Variants in ENPP1 observed in about 807,000 individuals in gnomAD.
The protein encoded by ENPP1 is ectonucleotide pyrophosphatase/phosphodiesterase 1.
In ENPP1, 73 loss-of-function variants were observed where a neutral mutation model predicts 122.8. The ratio of observed to expected loss-of-function variants is 0.59; its 90% CI spans 0.49 to 0.72. The LOEUF (loss-of-function observed/expected upper bound fraction) is 0.72. ENPP1 is among the 30% of genes least tolerant of loss of function. The pLI, the probability that ENPP1 is intolerant of heterozygous loss-of-function variation, is 0.00. For missense variants in ENPP1, 978 were observed against 1,128.1 expected, an observed-to-expected ratio of 0.87 and a Z score of 1.91; for synonymous variants, 367 against 391.6, an observed-to-expected ratio of 0.94 and a Z score of 0.74.
At chr6:131,850,824 C>A (rs1427584727) in intron 3 of ENPP1, among the ~76,000 whole-genome samples, 1 of 152,206 alleles carries the variant, frequency 6.6e-6, no homozygotes, top group Non-Finnish European at 1.5e-5. Context: ...TCACCTTGAC[C>A]TGAGAGTCAG....
rs967317128 is a variant in ENPP1, at chr6:131,893,670, C to T, written c.*3159C>T. ...TATGCTGACTGTTAAGGAAAGAGCA[C>T]CCACATCTGCTCCTACTTAGCTTTT... On this transcript the variant is annotated 3_prime_UTR_variant, in exon 25 of 25. Transcript: ENST00000647893. 1 of 152,140 alleles carries T rather than the reference C, an allele frequency of 6.6e-6. No homozygotes were observed. Among genetic ancestry groups the T allele is most frequent in the Non-Finnish European group, 1.5e-5 (1 of 68,034 alleles). The allele number at this position is 152,140 out of a possible 1,614,324, so 9.4% of individuals were successfully genotyped here.
intron 1 of ENPP1, among the ~76,000 whole-genome samples, chr6:131,846,374 T>C (rs757581602): frequency 1.3e-5 from 2 of 152,334 alleles, no homozygotes; most frequent in African/African-American, 2.4e-5. Context: ...CCACCTTCCA[T>C]GTGCCTGCCT....
At chr6:131,839,020 T>C (rs907967733) in intron 1 of ENPP1, among the ~76,000 whole-genome samples, 1 of 152,150 alleles carries the variant, frequency 6.6e-6, no homozygotes, top group Non-Finnish European at 1.5e-5. Flanking sequence ...TGTTCTCCAC[T>C]GAGTTCTTCT....
intron 1 of ENPP1, among the ~76,000 whole-genome samples, chr6:131,842,520 T>C (rs958610771): frequency 4.6e-5 from 7 of 152,242 alleles, no homozygotes; most frequent in Non-Finnish European, 7.4e-5. Context: ...AGAATCTAAA[T>C]ACATTGCATC....
chr6:131,865,870 C>T (rs1486375501), intron 11 of ENPP1, among the ~76,000 whole-genome samples: 1 of 151,980 alleles, frequency 6.6e-6, no homozygotes, highest in African/African-American at 2.4e-5. Flanking sequence ...GTGGTGTGTG[C>T]CTATAATCCC....
chr6:131,877,097 C>G lies in ENPP1; in HGVS notation c.1829C>G (p.Pro610Arg). 6.2e-7 allele frequency: 1 copy of G among 1,614,040 alleles called. No individual in the cohort carries two copies. The change falls in exon 18 of 25, where the codon CCC (proline) becomes CGC (arginine). Residue 610 changes from proline to arginine, a missense_variant. Coordinates refer to ENST00000647893, the MANE Select transcript of ENPP1 (RefSeq NM_006208.3). ...CCAAAGCATCCCAAAGAAGTGCACC[C>G]CCTGGTACAGTGCCCCTTCACAAGA... ...YTPKHPKEVH[P>R]LVQCPFTRNP...
chr6:131,827,889 C>T, intron 1 of ENPP1: 2 of 1,404,882 alleles, frequency 1.4e-6, no homozygotes, highest in Non-Finnish European at 2.0e-6. Context: ...GCCTCACTGA[C>T]TGCTCGGCCA....
intron 24 of ENPP1, among the ~76,000 whole-genome samples, chr6:131,888,193 G>C (rs1435247565): frequency 1.3e-5 from 2 of 150,892 alleles, no homozygotes; most frequent in East Asian, 3.9e-4. Flanking sequence ...TTCTCTTATG[G>C]TGAGCCAAAA....
chr6:131,855,543 C>T (rs1287568786), intron 6 of ENPP1, among the ~76,000 whole-genome samples: 1 of 152,088 alleles, frequency 6.6e-6, no homozygotes, highest in Non-Finnish European at 1.5e-5. Flanking sequence ...TCAGGCTGGT[C>T]TCTAACTCCT....
chr6:131,865,404 A>G lies in ENPP1; in HGVS notation c.1164+466A>G, dbSNP rs987655943. On this transcript the variant is annotated intron_variant, in intron 11 of 24. Transcript: ENST00000647893. ...CCATAGAAGGATGGGAGATTTTATC[A>G]AAAGTGTAGCGATATTTGAATACGT... Among the ~76,000 whole-genome samples the G allele has an allele frequency of 2.6e-5, 4 of 152,190 alleles. No homozygotes were observed. The South Asian group carries it at 8.3e-4, about 32-fold the overall frequency.
chr6:131,827,916 G>A, intron 1 of ENPP1: 1 of 1,194,682 alleles, frequency 8.4e-7, no homozygotes, highest in Non-Finnish European at 1.2e-6. Context: ...CTGACAGGGT[G>A]CAGGTGGTCC....
Position 131,874,319 on chromosome 6 carries a change from T to C in ENPP1, c.1617T>C (p.Asn539=), listed in dbSNP as rs760545604. 8 of 1,592,782 alleles carry C rather than the reference T, an allele frequency of 5.0e-6. No individual in the cohort carries two copies. Among genetic ancestry groups the C allele is most frequent in the Non-Finnish European group, 6.9e-6 (8 of 1,161,654 alleles). Residue 539 remains asparagine, a synonymous_variant, in exon 16 of 25, where the codon AAT becomes AAC. Transcript: ENST00000647893. ...YCGSGFHGSD[N]VFSNMQALFV... Reference sequence around the variant, plus strand: ...GAAGTGGATTTCATGGCTCTGACAATGTATTTTCAAATATGCAAGTGAGTA... The same window carrying C: ...GAAGTGGATTTCATGGCTCTGACAACGTATTTTCAAATATGCAAGTGAGTA...
At chr6:131,825,305 T>C (rs1781533715) in intron 1 of ENPP1, among the ~76,000 whole-genome samples, 1 of 152,160 alleles carries the variant, frequency 6.6e-6, no homozygotes, top group Non-Finnish European at 1.5e-5. Flanking sequence ...TTTTTGTTGT[T>C]GTTGTTGTTA....
At chr6:131,872,155 ATT>A (rs1782170515) in intron 14 of ENPP1, 54 bp downstream of exon 14, 1 of 1,223,614 alleles carries the variant, frequency 8.2e-7, no homozygotes, top group Non-Finnish European at 1.2e-6. Flanking sequence ...TATAATATAT[ATT>A]GAGAGAAAAG....
At chr6:131,834,024 T>C (rs1375236902) in intron 1 of ENPP1, among the ~76,000 whole-genome samples, 2 of 152,180 alleles carry the variant, frequency 1.3e-5, no homozygotes, top group Non-Finnish European at 2.9e-5. Context: ...ATGAAATGCT[T>C]GTGTCTCAAG....
At chr6:131,844,052 T>G (rs1272029793) in intron 1 of ENPP1, among the ~76,000 whole-genome samples, 1 of 152,206 alleles carries the variant, frequency 6.6e-6, no homozygotes, top group Admixed American at 6.5e-5. Flanking sequence ...TCTGAGAGTA[T>G]TTTATTGTAT....
Position 131,890,751 on chromosome 6 carries a change from A to G in ENPP1, c.*240A>G, listed in dbSNP as rs1167369321. 13 of 525,222 alleles carry G rather than the reference A, an allele frequency of 2.5e-5. No homozygotes were observed. In the East Asian group the frequency reaches 4.0e-4, roughly 16 times the overall value. 32.5% of individuals were successfully genotyped at this position (525,222 alleles called of 1,614,324 possible). A position where few individuals can be genotyped will look rare whatever the true frequency, so the allele number is the denominator to read the frequency against. On this transcript the variant is annotated 3_prime_UTR_variant, in exon 25 of 25. Transcript: ENST00000647893. ...GTATACATTGATCAAGTTCGGGGGA[A>G]TAAAGACAGACCACACCTAAAACTG...
At chr6:131,858,855 A>G in intron 7 of ENPP1, 108 bp downstream of exon 7, 2 of 838,980 alleles carry the variant, frequency 2.4e-6, no homozygotes, top group Non-Finnish European at 4.0e-6. Context: ...ATTTTCCAAT[A>G]GGTAGTTAAG....
intron 9 of ENPP1, among the ~76,000 whole-genome samples, chr6:131,863,403 T>C (rs1307684124): frequency 6.6e-6 from 1 of 152,230 alleles, no homozygotes; most frequent in Non-Finnish European, 1.5e-5. Flanking sequence ...GAAATAATTT[T>C]ATTTATTTTT....
Sources: allele counts gnomAD v4.1 joint callset (sites outside exome capture counted in the v4.1 genomes callset), GRCh38; gene constraint gnomAD v4.1.1; transcripts MANE v1.5; gene names NCBI Gene and HGNC (gene_info 2026-07-23, HGNC 2026-07-21).